The following EXOC3L2 variants were observed in gnomAD, a reference collection of about 807,000 sequenced individuals.
EXOC3L2 encodes exocyst complex component 3-like protein 2.
In EXOC3L2, 17 loss-of-function variants were observed where a neutral mutation model predicts 44.4. That is an observed-to-expected ratio of 0.38 (90% CI 0.26 to 0.57). The LOEUF is 0.57. EXOC3L2 is among the 20% of genes least tolerant of loss of function. The probability of loss-of-function intolerance (pLI) is 0.65; values close to 1 mark genes in which losing one functional copy is unlikely to be tolerated. For synonymous variants in EXOC3L2, 256 were observed against 253.7 expected, an observed-to-expected ratio of 1.01 and a Z score of -0.09; for missense variants, 541 against 588.4, an observed-to-expected ratio of 0.92 and a Z score of 0.83.
chr19:45,217,680 G>C lies in EXOC3L2; in HGVS notation c.1846C>G (p.Leu616Val). The C allele has an allele frequency of 1.1e-5, 15 of 1,399,830 alleles. No individual in the cohort carries two copies. Among genetic ancestry groups the C allele is most frequent in the Non-Finnish European group, 1.4e-5 (15 of 1,084,958 alleles). The allele number at this position is 1,399,830 out of a possible 1,614,324, so 86.7% of individuals were successfully genotyped here. A position where few individuals can be genotyped will look rare whatever the true frequency, so the allele number is the denominator to read the frequency against. Residue 616 changes from leucine (L) to valine (V), a missense_variant, in exon 10 of 12, where the codon CTG becomes GTG. Leu to Val is a conservative substitution (Grantham distance 32, BLOSUM62 1). Coordinates refer to ENST00000413988, the MANE Select transcript of EXOC3L2 (RefSeq NM_001382422.1). ...RRMQDEPYQA[L>V]VAELHRRALV... ...GCCCGCCGGTGTAGCTCGGCTACCAGCGCCTGGAGGCGGAGGAGGGAAACC... is the reference window on the plus strand; with the variant it reads ...GCCCGCCGGTGTAGCTCGGCTACCACCGCCTGGAGGCGGAGGAGGGAAACC...
At position 45,213,340 on chromosome 19, in the gene EXOC3L2, G is replaced by C; in HGVS notation, c.2138C>G (p.Ala713Gly). 2 of 1,613,404 alleles carry C rather than the reference G, an allele frequency of 1.2e-6. No individual in the cohort carries two copies. The change falls in exon 12 of 12, where the codon GCC (alanine) becomes GGC (glycine). Residue 713 changes from alanine to glycine, a missense_variant. Transcript: ENST00000413988. The part of the protein sequence containing the change: ...YPDIRQKHVA[A>G]LLDIRGLRNT... ...GCGCAGGCCACGGATGTCGAGGAGG[G>C]CTGCCACGTGCTTCTGCCTGTGGGG...
intron 1 of EXOC3L2, among the ~76,000 whole-genome samples, chr19:45,241,616 G>A (rs553348635): frequency 2.3e-3 from 354 of 152,112 alleles, no homozygotes; most frequent in Non-Finnish European, 3.8e-3. Flanking sequence ...AGCTGCACAC[G>A]TCACTAGTGC....
Position 45,216,345 on chromosome 19 carries a change from G to A in EXOC3L2, c.1999-151C>T, listed in dbSNP as rs574671442. 24 of 1,084,278 alleles carry A rather than the reference G, an allele frequency of 2.2e-5. No homozygotes were observed. The East Asian group carries it at 3.6e-4, about 16-fold the overall frequency. 67.2% of individuals were successfully genotyped at this position (1,084,278 alleles called of 1,614,324 possible). Reference sequence around the variant, plus strand: ...AATCCCAGCACTTTGGGAGGAGGCCGAGGCGGGTGGATCACTAGAGGTCAG... The same window carrying A: ...AATCCCAGCACTTTGGGAGGAGGCCAAGGCGGGTGGATCACTAGAGGTCAG... On this transcript the variant is annotated intron_variant, in intron 10 of 11. Coordinates refer to ENST00000413988, the MANE Select transcript of EXOC3L2 (RefSeq NM_001382422.1).
At chr19:45,229,792 C>T (rs1159387627) in intron 4 of EXOC3L2, among the ~76,000 whole-genome samples, 1 of 149,648 alleles carries the variant, frequency 6.7e-6, no homozygotes, top group Non-Finnish European at 1.5e-5. Flanking sequence ...TTGCGGTGAG[C>T]CGAGTTTGTG....
chr19:45,218,167 C>T (rs764795780), intron 9 of EXOC3L2, 30 bp downstream of exon 9: 2 of 1,308,438 alleles, frequency 1.5e-6, no homozygotes, highest in Non-Finnish European at 1.0e-6. Flanking sequence ...TTCCCCCACC[C>T]CCACCTCCCC....
At position 45,234,384 on chromosome 19, in the gene EXOC3L2, C is replaced by T; in HGVS notation, c.966G>A (p.Arg322=). ...GCACCACGGCCATATCCTCCAGCAG[C>T]CGCGCCCGCAGCGCCTCCAGCTGCC... is the stretch of plus-strand genomic sequence containing the variant. ...LAGQLEALRA[R]LLEDMAVVRG... Residue 322 remains arginine (R), a synonymous_variant, in exon 3 of 12, where the codon CGG becomes CGA. Coordinates refer to ENST00000413988, the MANE Select transcript of EXOC3L2 (RefSeq NM_001382422.1). This position sits in a 1 kb window ranked among gnomAD's most constrained non-coding sequence, Gnocchi z 5.0. 3.0e-6 allele frequency: 1 copy of T among 335,060 alleles called. No individual in the cohort carries two copies. Among genetic ancestry groups the T allele is most frequent in the Non-Finnish European group, 5.4e-6 (1 of 185,062 alleles). The allele number at this position is 335,060 out of a possible 1,614,324, so 20.8% of individuals were successfully genotyped here.
intron 7 of EXOC3L2, among the ~76,000 whole-genome samples, chr19:45,225,181 A>T (rs1301585111): frequency 7.3e-5 from 8 of 110,050 alleles, no homozygotes; most frequent in African/African-American, 3.0e-4. Flanking sequence ...TGGGGGAGGG[A>T]AGGGGGGTCT....
chr19:45,240,412 A>G (rs1302680667), intron 1 of EXOC3L2, among the ~76,000 whole-genome samples: 1 of 152,022 alleles, frequency 6.6e-6, no homozygotes, highest in Non-Finnish European at 1.5e-5. Context: ...ATCACCTCGC[A>G]GGTCTCTAGG....
At chr19:45,219,663 T>C (rs747553888) in intron 8 of EXOC3L2, among the ~76,000 whole-genome samples, 2 of 152,168 alleles carry the variant, frequency 1.3e-5, no homozygotes, top group Non-Finnish European at 2.9e-5. Context: ...TGAAAGTGGG[T>C]GGAACCTGTC....
Sources: gnomAD v4.1 joint callset for allele counts (sites outside exome capture counted in the v4.1 genomes callset) on GRCh38, gnomAD v4.1.1 for gene constraint, Gnocchi (gnomAD v3.1) non-coding constraint, MANE v1.5 for transcripts, NCBI Gene and HGNC (gene_info 2026-07-23, HGNC 2026-07-21) for gene names.